Variants in DLGAP1 observed in about 807,000 individuals in gnomAD.
DLGAP1 encodes disks large-associated protein 1.
In DLGAP1, 11 loss-of-function variants were observed where a neutral mutation model predicts 90.8. The observed-to-expected ratio is 0.12, with a 90% CI of 0.08 to 0.20. The LOEUF (loss-of-function observed/expected upper bound fraction) is 0.20, where lower values mean the gene tolerates loss of function less well. Ranked by LOEUF, DLGAP1 falls within the 10% of genes least tolerant of loss-of-function variation. The pLI, the probability that DLGAP1 is intolerant of heterozygous loss-of-function variation, is 1.00. For missense variants in DLGAP1, 1,050 were observed against 1,333.8 expected (o/e 0.79, Z 3.31); for synonymous variants, 558 against 540.7 (o/e 1.03, Z -0.44).
intron 7 of DLGAP1, among the ~76,000 whole-genome samples, chr18:3,648,945 T>C (rs2146413020): frequency 6.6e-6 from 1 of 152,358 alleles, no homozygotes; most frequent in Admixed American, 6.5e-5. Context: ...TTCTGGGTTA[T>C]GCTAATTTGT....
chr18:3,778,661 G>A lies in DLGAP1; in HGVS notation c.1172+35398C>T, dbSNP rs772275238. On this transcript the variant is annotated intron_variant, in intron 5 of 12. Coordinates refer to ENST00000315677, the MANE Select transcript of DLGAP1 (RefSeq NM_004746.4). ...GGGAGAGATTCAAATCCCTTAAGAA[G>A]CACCAGAGTGGATGACTTTGGAGCC... is the stretch of plus-strand genomic sequence containing the variant. 1.8e-4 allele frequency among the ~76,000 whole-genome samples: 27 copies of A among 152,298 alleles called. 1 individual carries two copies. The highest frequency in any genetic ancestry group is 3.4e-3 in the Middle Eastern group (1 of 294).
intron 1 of DLGAP1, among the ~76,000 whole-genome samples, chr18:4,157,876 C>G (rs1037616468): frequency 6.6e-6 from 1 of 152,124 alleles, no homozygotes; most frequent in African/African-American, 2.4e-5. Flanking sequence ...CCAGAACTTC[C>G]TTCAACCTTA....
chr18:4,072,953 C>A lies in DLGAP1; in HGVS notation c.-158-67752G>T, dbSNP rs372054729. ...GGAGTTAGTAATGTTGGAGTAAGAA[C>A]GTGGACTTCAGAGTAAGTCTACTTG... On this transcript the variant is annotated intron_variant, in intron 2 of 12. Transcript: ENST00000315677. Among the ~76,000 whole-genome samples, 22 of 152,194 alleles carry A rather than the reference C, an allele frequency of 1.4e-4. 1 individual carries two copies. Among genetic ancestry groups the A allele is most frequent in the African/African-American group, 5.3e-4 (22 of 41,534 alleles).
intron 4 of DLGAP1, among the ~76,000 whole-genome samples, chr18:3,864,783 C>T (rs889826974): frequency 1.4e-4 from 21 of 152,140 alleles, no homozygotes; most frequent in African/African-American, 4.1e-4. Context: ...TGGATACCTG[C>T]AGCCACCTCT....
Position 3,812,895 on chromosome 18 carries a change from A to G in DLGAP1, c.1172+1164T>C, listed in dbSNP as rs573631333. On this transcript the variant is annotated intron_variant, in intron 5 of 12. Coordinates refer to ENST00000315677, the MANE Select transcript of DLGAP1 (RefSeq NM_004746.4). The stretch of plus-strand genomic sequence containing the variant: ...TTTAATATTTTATTTAGTAACATAA[A>G]TGCATGAATAGTAATGTTCATTTCA... Among the ~76,000 whole-genome samples, 27 of 152,334 alleles carry G rather than the reference A, an allele frequency of 1.8e-4. No individual in the cohort carries two copies. In the East Asian group the frequency reaches 2.5e-3, roughly 14 times the overall value.
At chr18:4,240,283 A>T (rs1318972340) in intron 1 of DLGAP1, among the ~76,000 whole-genome samples, 9 of 152,154 alleles carry the variant, frequency 5.9e-5, no homozygotes, top group South Asian at 4.1e-4. Context: ...ATCTTATTAC[A>T]TCTATATTTA....
intron 3 of DLGAP1, among the ~76,000 whole-genome samples, chr18:3,929,797 C>T (rs147822719): frequency 3.0e-4 from 45 of 152,240 alleles, no homozygotes; most frequent in African/African-American, 1.1e-3. Flanking sequence ...AACTGCTGTT[C>T]GTCTAAATTT....
chr18:4,210,569 T>C (rs1453052192), intron 1 of DLGAP1, among the ~76,000 whole-genome samples: 1 of 152,158 alleles, frequency 6.6e-6, no homozygotes, highest in Non-Finnish European at 1.5e-5. Flanking sequence ...CAATATTTAC[T>C]ATATACATGA....
chr18:4,121,752 C>T (rs2076157138), intron 2 of DLGAP1, among the ~76,000 whole-genome samples: 1 of 152,094 alleles, frequency 6.6e-6, no homozygotes, highest in Admixed American at 6.5e-5. Flanking sequence ...CTGTACCCAT[C>T]GTGATAGTCC....
chr18:4,300,087 T>A (rs924146169), intron 1 of DLGAP1, among the ~76,000 whole-genome samples: 33 of 152,204 alleles, frequency 2.2e-4, no homozygotes, highest in African/African-American at 7.5e-4. Context: ...GCAAATAGTG[T>A]GTCCTTTTTA....
chr18:3,906,057 C>A (rs572957795), intron 3 of DLGAP1, among the ~76,000 whole-genome samples: 1 of 152,292 alleles, frequency 6.6e-6, no homozygotes, highest in African/African-American at 2.4e-5. Flanking sequence ...GATTAGGAAA[C>A]GGAGTGTGAT....
intron 7 of DLGAP1, among the ~76,000 whole-genome samples, chr18:3,635,879 C>T (rs990210602): frequency 1.3e-5 from 2 of 151,520 alleles, no homozygotes; most frequent in African/African-American, 4.9e-5. Flanking sequence ...TGCCTCTAAT[C>T]CAGACCCTTC....
In DLGAP1 at chr18:3,499,405, C is replaced by G. The variant is rs547288349; in HGVS notation, c.2725-11G>C. On this transcript the variant is annotated splice_polypyrimidine_tract_variant and intron_variant, in intron 12 of 12. Transcript: ENST00000315677. This position sits in a 1 kb window ranked among gnomAD's most constrained non-coding sequence, Gnocchi z 6.4. ...AGGGGCCCTTCTCTCCTGATCAAAG[C>G]AGAAGGTTCAGGACATTACACAGCT... The G allele has an allele frequency of 6.5e-7, 1 of 1,548,750 alleles. No homozygotes were observed. The highest frequency in any genetic ancestry group is 1.4e-5 in the African/African-American group (1 of 72,808).
chr18:3,921,837 T>C (rs1328252444), intron 3 of DLGAP1, among the ~76,000 whole-genome samples: 1 of 152,172 alleles, frequency 6.6e-6, no homozygotes, highest in Non-Finnish European at 1.5e-5. Flanking sequence ...ACTGTGCTAA[T>C]ATCAGCTTTA....
At chr18:4,228,746 G>A (rs527978534) in intron 1 of DLGAP1, among the ~76,000 whole-genome samples, 1 of 152,002 alleles carries the variant, frequency 6.6e-6, no homozygotes, top group African/African-American at 2.4e-5. Context: ...ATGGAATGGA[G>A]AAAAACTGAA....
intron 4 of DLGAP1, among the ~76,000 whole-genome samples, chr18:3,816,901 C>G (rs190888056): frequency 2.6e-5 from 4 of 152,172 alleles, no homozygotes; most frequent in Non-Finnish European, 1.5e-5. Flanking sequence ...ATACACTTGT[C>G]ATTTATTAAT....
At position 3,497,159 on chromosome 18, in the gene DLGAP1, G is replaced by A. The variant is rs2049721562; in HGVS notation, c.*2026C>T. The A allele has an allele frequency of 3.3e-5, 5 of 152,176 alleles. No homozygotes were observed. Among genetic ancestry groups the A allele is most frequent in the Admixed American group, 3.3e-4 (5 of 15,276 alleles). 9.4% of individuals were successfully genotyped at this position (152,176 alleles called of 1,614,324 possible). ...CCAAGTCATTCTCAGTATTGAATGT[G>A]ACCATAGGCTACCCAAGTGGCAGTT... On this transcript the variant is annotated 3_prime_UTR_variant, in exon 13 of 13. Coordinates refer to ENST00000315677, the MANE Select transcript of DLGAP1 (RefSeq NM_004746.4).
At position 4,183,274 on chromosome 18, in the gene DLGAP1, A is replaced by G. The variant is rs185711175; in HGVS notation, c.-266-31987T>C. On this transcript the variant is annotated intron_variant, in intron 1 of 12. Coordinates refer to ENST00000315677, the MANE Select transcript of DLGAP1 (RefSeq NM_004746.4). ...CCTAATTGAGATTTAAGAAAAATAG[A>G]CGAGTTTAACTCTAGTGCAAAATAA... Among the ~76,000 whole-genome samples the G allele has an allele frequency of 4.6e-5, 7 of 152,256 alleles. No individual in the cohort carries two copies. In the East Asian group the frequency reaches 1.4e-3, roughly 29 times the overall value.
intron 2 of DLGAP1, among the ~76,000 whole-genome samples, chr18:4,063,980 T>C (rs1373343882): frequency 6.6e-6 from 1 of 152,068 alleles, no homozygotes; most frequent in Non-Finnish European, 1.5e-5. Flanking sequence ...GCCCCCACAA[T>C]TCATTCTCAA....
Sources: gnomAD v4.1 joint callset for allele counts (sites outside exome capture counted in the v4.1 genomes callset) on GRCh38, gnomAD v4.1.1 for gene constraint, Gnocchi (gnomAD v3.1) non-coding constraint, MANE v1.5 for transcripts, NCBI Gene and HGNC (gene_info 2026-07-23, HGNC 2026-07-21) for gene names.